CNTNAP3B: variants seen among roughly 807,000 people sequenced by gnomAD.
The protein encoded by CNTNAP3B is contactin associated protein family member 3B, also known as contactin-associated protein-like 3B.
In CNTNAP3B, 25 loss-of-function variants were observed where a neutral mutation model predicts 108.9. The ratio of observed to expected loss-of-function variants is 0.23; its 90% CI spans 0.17 to 0.32. The LOEUF (loss-of-function observed/expected upper bound fraction) is 0.32. Ranked by LOEUF, CNTNAP3B falls within the 10% of genes least tolerant of loss-of-function variation. CNTNAP3B has a pLI of 1.00. For synonymous variants in CNTNAP3B, 103 were observed against 473.4 expected, an observed-to-expected ratio of 0.22 and a Z score of 10.16; for missense variants, 252 against 1,210.4, an observed-to-expected ratio of 0.21 and a Z score of 11.75.
chr9:42,096,220 TC>T (rs758931314), intron 2 of CNTNAP3B, among the ~76,000 whole-genome samples: 1 of 138,950 alleles, frequency 7.2e-6, no homozygotes, highest in African/African-American at 2.9e-5. Flanking sequence ...CCCACTCAGA[TC>T]CCTGAGCTTC....
rs574742078 is a variant in CNTNAP3B at position 42,071,367 on chromosome 9, C to T, written c.390+5502G>A. ...GCTATAGGGGAAAATTTCAGAAATA[C>T]TGAATAGCTAGTACAAAGGATGGAT... On this transcript the variant is annotated intron_variant, in intron 3 of 23. Transcript: ENST00000377561. Among the ~76,000 whole-genome samples, 3 of 141,498 alleles carry T rather than the reference C, an allele frequency of 2.1e-5. No individual in the cohort carries two copies. The South Asian group carries it at 6.7e-4, about 32-fold the overall frequency. The allele number at this position is 141,498 out of a possible 152,430, so 92.8% of individuals were successfully genotyped here. A position where few individuals can be genotyped will look rare whatever the true frequency, so the allele number is the denominator to read the frequency against.
In CNTNAP3B at chr9:42,003,053, A is replaced by T. The variant is rs1367450912; in HGVS notation, c.539-4449T>A. On this transcript the variant is annotated intron_variant, in intron 4 of 23. Transcript: ENST00000377561. The stretch of plus-strand genomic sequence containing the variant: ...AGGCATGCACTACAATGCCTGGTTA[A>T]TTTTTTACTTTTTTTCTAGAGATGG... Among the ~76,000 whole-genome samples, 96 of 127,990 alleles carry T rather than the reference A, an allele frequency of 7.5e-4. 9 individuals are homozygous for T. The highest frequency in any genetic ancestry group is 2.9e-3 in the African/African-American group (94 of 31,980). 84.0% of individuals were successfully genotyped at this position (127,990 alleles called of 152,430 possible).
In CNTNAP3B at chr9:42,094,460, G is replaced by A. The variant is rs1224210726; in HGVS notation, c.196+10169C>T. On this transcript the variant is annotated intron_variant, in intron 2 of 23. Transcript: ENST00000377561. ...GCTTGAGCCCAGGAATTCAAGACCA[G>A]CCTGAGCAACATAATGAGATCCCAT... Among the ~76,000 whole-genome samples the A allele has an allele frequency of 5.4e-5, 7 of 128,976 alleles. 1 individual carries two copies. Among genetic ancestry groups the A allele is most frequent in the Non-Finnish European group, 8.1e-5 (5 of 61,844 alleles). 84.6% of individuals were successfully genotyped at this position (128,976 alleles called of 152,430 possible). A position where few individuals can be genotyped will look rare whatever the true frequency, so the allele number is the denominator to read the frequency against.
intron 13 of CNTNAP3B, among the ~76,000 whole-genome samples, chr9:41,944,460 G>T (rs1824462769): frequency 6.6e-6 from 1 of 152,228 alleles, no homozygotes; most frequent in African/African-American, 2.4e-5. Flanking sequence ...TAATGAAGTG[G>T]AATAGTGTTA....
intron 13 of CNTNAP3B, among the ~76,000 whole-genome samples, chr9:41,943,345 ATTTTTTTTTT>A (rs1165684239): frequency 2.0e-4 from 27 of 132,524 alleles, no homozygotes; most frequent in African/African-American, 2.9e-4. Flanking sequence ...TTGGACAATA[ATTTTTTTTTT>A]TTTTTTTTTT....
At chr9:41,944,055 G>T (rs866784775) in intron 13 of CNTNAP3B, among the ~76,000 whole-genome samples, 1,650 of 150,866 alleles carry the variant, frequency 0.011, 10 homozygotes, top group African/African-American at 0.028. Context: ...AAACTGTTGA[G>T]AGAAAACACA....
chr9:42,051,728 T>A (rs1262834462), intron 3 of CNTNAP3B, among the ~76,000 whole-genome samples: 3 of 149,624 alleles, frequency 2.0e-5, no homozygotes, highest in African/African-American at 7.5e-5. Context: ...TTAACTTTTT[T>A]TATTATTTTG....
chr9:41,973,074 A>T (rs1051787763), intron 9 of CNTNAP3B, among the ~76,000 whole-genome samples: 1 of 139,666 alleles, frequency 7.2e-6, no homozygotes, highest in African/African-American at 2.8e-5. Flanking sequence ...AGTGGCTGGG[A>T]CTACAGACAC....
intron 18 of CNTNAP3B, among the ~76,000 whole-genome samples, chr9:41,919,604 C>A (rs1463435388): frequency 5.3e-5 from 8 of 152,294 alleles, no homozygotes; most frequent in African/African-American, 1.9e-4. Context: ...TCTATAAAGG[C>A]CTTTTGAATC....
chr9:41,924,951 T>G (rs1341106031), intron 15 of CNTNAP3B, among the ~76,000 whole-genome samples: 1 of 152,070 alleles, frequency 6.6e-6, no homozygotes, highest in African/African-American at 2.4e-5. Context: ...GTTGTGCATT[T>G]TTGTCAAAAA....
chr9:42,097,662 T>A (rs1827936016), intron 2 of CNTNAP3B, among the ~76,000 whole-genome samples: 1 of 137,934 alleles, frequency 7.2e-6, no homozygotes, highest in South Asian at 2.3e-4. Flanking sequence ...GTAATTGATC[T>A]TACATTTTGA....
At chr9:42,090,624 CATAT>C (rs1465196258) in intron 2 of CNTNAP3B, among the ~76,000 whole-genome samples, 3 of 131,450 alleles carry the variant, frequency 2.3e-5, no homozygotes, top group African/African-American at 6.0e-5. Context: ...TATATACTGA[CATAT>C]ATAGTCAGTA....
At chr9:41,966,722 C>T (rs1825288716) in intron 10 of CNTNAP3B, among the ~76,000 whole-genome samples, 1 of 152,246 alleles carries the variant, frequency 6.6e-6, no homozygotes, top group Non-Finnish European at 1.5e-5. Context: ...AATCCCAGAA[C>T]TTTGGGAGGC....
Position 41,986,271 on chromosome 9 carries a change from G to C in CNTNAP3B, c.1374C>G (p.Phe458Leu). ...CATTCATATGGCTCCACTTGGCAGA[G>C]AAGGATACAGAGTGCCACTGCCCAT... ...LNDGQWHSVSFSAKWSHMNVV... is the reference protein window; with the variant it reads ...LNDGQWHSVSLSAKWSHMNVV... Residue 458 changes from phenylalanine (F) to leucine (L), a missense_variant, in exon 9 of 24, where the codon TTC (phenylalanine) becomes TTG (leucine). Coordinates refer to ENST00000377561, the MANE Select transcript of CNTNAP3B (RefSeq NM_001201380.3). The C allele has an allele frequency of 9.1e-7, 1 of 1,094,602 alleles. No individual in the cohort carries two copies. Among genetic ancestry groups the C allele is most frequent in the Non-Finnish European group, 1.2e-6 (1 of 816,106 alleles). The allele number at this position is 1,094,602 out of a possible 1,614,324, so 67.8% of individuals were successfully genotyped here. A position where few individuals can be genotyped will look rare whatever the true frequency, so the allele number is the denominator to read the frequency against.
At chr9:41,968,798 T>TA (rs1267873622) in intron 10 of CNTNAP3B, among the ~76,000 whole-genome samples, 1 of 121,130 alleles carries the variant, frequency 8.3e-6, no homozygotes, top group Non-Finnish European at 1.7e-5. Context: ...GATGCAGATA[T>TA]AACTTTTTTT....
At chr9:41,939,944 G>T in intron 13 of CNTNAP3B, among the ~76,000 whole-genome samples, 2 of 152,100 alleles carry the variant, frequency 1.3e-5, no homozygotes, top group Middle Eastern at 6.8e-3. Context: ...GGAAGCTTAG[G>T]ACCCCAGGAC....
rs1233137304 is a variant in CNTNAP3B at position 42,034,235 on chromosome 9, T to A, written c.391-20710A>T. On this transcript the variant is annotated intron_variant, in intron 3 of 23. Transcript: ENST00000377561. ...CTATTTCTCATCTATACATAATAAC[T>A]CTCCTTCTTAGAGTGAACCATGTGG... 6.8e-5 allele frequency among the ~76,000 whole-genome samples: 9 copies of A among 131,388 alleles called. 4 individuals carry two copies. The highest frequency in any genetic ancestry group is 2.8e-4 in the African/African-American group (9 of 32,316). 86.2% of individuals were successfully genotyped at this position (131,388 alleles called of 152,430 possible).
chr9:42,049,194 C>A (rs1218856335), intron 3 of CNTNAP3B, among the ~76,000 whole-genome samples: 2 of 130,478 alleles, frequency 1.5e-5, no homozygotes, highest in Admixed American at 7.7e-5. Context: ...CCATGGCCAA[C>A]CTCATCACCA....
At position 42,079,811 on chromosome 9, in the gene CNTNAP3B, G is replaced by T. The variant is rs148123099; in HGVS notation, c.197-2749C>A. 7.4e-3 allele frequency among the ~76,000 whole-genome samples: 1,017 copies of T among 138,260 alleles called. 140 individuals are homozygous for T. The highest frequency in any genetic ancestry group is 0.028 in the African/African-American group (978 of 34,740). The allele number at this position is 138,260 out of a possible 152,430, so 90.7% of individuals were successfully genotyped here. On this transcript the variant is annotated intron_variant, in intron 2 of 23. Transcript: ENST00000377561. ...CTGGGATTACAGGCATGAGGCACTG[G>T]GCCCAGCCTATTTTATGGTTGTTTT...
Sources: allele counts gnomAD v4.1 joint callset (sites outside exome capture counted in the v4.1 genomes callset), GRCh38; gene constraint gnomAD v4.1.1; transcripts MANE v1.5; gene names NCBI Gene and HGNC (gene_info 2026-07-23, HGNC 2026-07-21).